Variants in CDH18 observed in about 807,000 individuals in gnomAD.
CDH18 encodes cadherin-18.
In CDH18, 31 loss-of-function variants were observed where a neutral mutation model predicts 67.9. That is an observed-to-expected ratio of 0.46 (90% CI 0.34 to 0.62). CDH18 has a LOEUF of 0.62. CDH18 is among the 20% of genes least tolerant of loss of function. The pLI is 0.01. For missense variants in CDH18, 890 were observed against 975.5 expected, an observed-to-expected ratio of 0.91 and a Z score of 1.17; for synonymous variants, 362 against 347.2, an observed-to-expected ratio of 1.04 and a Z score of -0.48.
At chr5:20,171,601 C>T (rs1025586097) in intron 2 of CDH18, among the ~76,000 whole-genome samples, 47 of 151,834 alleles carry the variant, frequency 3.1e-4, no homozygotes, top group African/African-American at 1.1e-3. Context: ...AAGTCTCTTA[C>T]AGATGCTGGA....
At chr5:20,125,408 G>A (rs977189728) in intron 2 of CDH18, among the ~76,000 whole-genome samples, 2 of 152,000 alleles carry the variant, frequency 1.3e-5, no homozygotes, top group African/African-American at 4.8e-5. Flanking sequence ...CTTTATTTGA[G>A]ATACAAAGTG....
intron 2 of CDH18, among the ~76,000 whole-genome samples, chr5:20,095,355 G>GAAAGAAAGAAAGA (rs1745824475): frequency 2.2e-5 from 2 of 91,512 alleles, no homozygotes; most frequent in African/African-American, 4.5e-5. Flanking sequence ...AAGAAAGAAA[G>GAAAGAAAGAAAGA]AAAGAAAAGA....
intron 1 of CDH18, among the ~76,000 whole-genome samples, chr5:20,261,430 TA>T (rs151244929): frequency 0.018 from 2,704 of 152,226 alleles, 73 homozygotes; most frequent in African/African-American, 0.062. Context: ...AAATTAACAA[TA>T]AGTGTTTTGT....
intron 2 of CDH18, among the ~76,000 whole-genome samples, chr5:20,086,418 T>C (rs1744955342): frequency 6.6e-6 from 1 of 152,224 alleles, no homozygotes; most frequent in Non-Finnish European, 1.5e-5. Context: ...CATTGATAAA[T>C]GTAGCTACAC....
chr5:19,599,810 C>G (rs1746779403), intron 6 of CDH18, among the ~76,000 whole-genome samples: 2 of 152,046 alleles, frequency 1.3e-5, no homozygotes, highest in African/African-American at 2.4e-5. Context: ...TGGCGTGAAC[C>G]CGGGAGGCAG....
chr5:20,506,465 G>C (rs187535236), intron 1 of CDH18, among the ~76,000 whole-genome samples: 4 of 152,332 alleles, frequency 2.6e-5, no homozygotes, highest in Admixed American at 2.6e-4. Flanking sequence ...GCATCCTTCA[G>C]CTGACAGATA....
intron 2 of CDH18, among the ~76,000 whole-genome samples, chr5:20,092,027 T>C (rs964718429): frequency 5.3e-5 from 8 of 152,184 alleles, no homozygotes; most frequent in Non-Finnish European, 4.4e-5. Flanking sequence ...TGACTCTTCC[T>C]GTTTTCTTAC....
intron 1 of CDH18, among the ~76,000 whole-genome samples, chr5:20,404,494 G>A (rs1488194506): frequency 6.6e-6 from 1 of 151,964 alleles, no homozygotes. Context: ...ATTTTTTTAA[G>A]CCTAATTTTA....
chr5:19,483,403 C>G lies in CDH18; in HGVS notation c.1780G>C (p.Asp594His). Reference protein sequence around the residue: ...LTIRVCACERDGRVRTCHAEA... With the variant: ...LTIRVCACERHGRVRTCHAEA... ...GCATGGCAGGTCCGCACACGCCCAT[C>G]TCTCTCGCATGCACAAACCCTGATG... is the stretch of plus-strand genomic sequence containing the variant. Residue 594 changes from aspartate (D) to histidine (H), a missense_variant, in exon 12 of 13, where the codon GAT (aspartate) becomes CAT (histidine). Around this residue, in one of 2 missense-constraint regions of CDH18, gnomAD observed 656 missense variants for 668.1 expected, o/e 0.98. Transcript: ENST00000382275. 1 of 1,614,112 alleles carries G rather than the reference C, an allele frequency of 6.2e-7. No homozygotes were observed. The highest frequency in any genetic ancestry group is 8.5e-7 in the Non-Finnish European group (1 of 1,180,006).
intron 1 of CDH18, among the ~76,000 whole-genome samples, chr5:20,458,118 ATTTG>A (rs1009757870): frequency 4.6e-5 from 7 of 151,828 alleles, no homozygotes; most frequent in South Asian, 4.2e-4. Context: ...TTTTTGTTTT[ATTTG>A]TTTGTTTGTT....
At chr5:20,427,289 A>T (rs1172555932) in intron 1 of CDH18, among the ~76,000 whole-genome samples, 1 of 151,254 alleles carries the variant, frequency 6.6e-6, no homozygotes, top group African/African-American at 2.5e-5. Context: ...ATTATACAGT[A>T]GAGAAAATGT....
intron 5 of CDH18, among the ~76,000 whole-genome samples, chr5:19,717,751 G>T (rs542665648): frequency 1.3e-5 from 2 of 152,028 alleles, no homozygotes; most frequent in South Asian, 4.1e-4. Context: ...GCATTGCTTA[G>T]GTTTAGCTGT....
At chr5:20,060,747 C>G (rs963970222) in intron 2 of CDH18, among the ~76,000 whole-genome samples, 17 of 152,012 alleles carry the variant, frequency 1.1e-4, no homozygotes, top group Non-Finnish European at 2.5e-4. Flanking sequence ...AAACTTGCAT[C>G]AAACAGAGAA....
At chr5:20,135,913 T>A (rs1462304117) in intron 2 of CDH18, among the ~76,000 whole-genome samples, 2 of 152,198 alleles carry the variant, frequency 1.3e-5, no homozygotes, top group African/African-American at 2.4e-5. Flanking sequence ...TGAGTGAGTT[T>A]CTTAATCCTG....
chr5:19,860,013 T>TGTGTGTGTGG (rs1447938947), intron 2 of CDH18, among the ~76,000 whole-genome samples: 1 of 151,904 alleles, frequency 6.6e-6, no homozygotes, highest in Non-Finnish European at 1.5e-5. Context: ...TGTGTGTGTG[T>TGTGTGTGTGG]GTGTGTGTGT....
chr5:19,998,355 G>A (rs557255338), intron 2 of CDH18, among the ~76,000 whole-genome samples: 2 of 152,250 alleles, frequency 1.3e-5, no homozygotes, highest in Non-Finnish European at 2.9e-5. Flanking sequence ...GAAATGGATG[G>A]GTGTGATGAG....
At chr5:20,118,602 T>G (rs556951565) in intron 2 of CDH18, among the ~76,000 whole-genome samples, 2 of 152,288 alleles carry the variant, frequency 1.3e-5, no homozygotes, top group African/African-American at 4.8e-5. Context: ...ATCTACAGTT[T>G]GTAAGTAGTA....
intron 1 of CDH18, among the ~76,000 whole-genome samples, chr5:20,409,303 A>C (rs566792871): frequency 1.3e-5 from 2 of 151,900 alleles, no homozygotes; most frequent in African/African-American, 4.8e-5. Flanking sequence ...ATTTAATAAG[A>C]TTGATATCAA....
At chr5:20,526,316 G>C (rs1006555574) in intron 1 of CDH18, among the ~76,000 whole-genome samples, 1 of 152,038 alleles carries the variant, frequency 6.6e-6, no homozygotes, top group African/African-American at 2.4e-5. Flanking sequence ...CAGGTTCAGG[G>C]GACCTAATCT....
Sources: gnomAD v4.1 joint callset for allele counts (sites outside exome capture counted in the v4.1 genomes callset) on GRCh38, gnomAD v4.1.1 for gene constraint, gnomAD v4.1.1 regional missense constraint, MANE v1.5 for transcripts, NCBI Gene and HGNC (gene_info 2026-07-23, HGNC 2026-07-21) for gene names.